Variants in USP38 observed in about 807,000 individuals in gnomAD.
USP38 encodes the protein ubiquitin specific peptidase 38.
Under a neutral mutation model 94.3 loss-of-function variants are expected in USP38, and 49 were observed. The observed-to-expected ratio is 0.52, with a 90% CI of 0.41 to 0.66. USP38 has a LOEUF of 0.66. Among genes scored for constraint, USP38 ranks in the 30% least tolerant of loss-of-function variants. The probability of loss-of-function intolerance (pLI) is 0.00; values close to 1 mark genes in which losing one functional copy is unlikely to be tolerated. For synonymous variants in USP38, 468 were observed against 463.6 expected, an observed-to-expected ratio of 1.01 and a Z score of -0.12; for missense variants, 1,128 against 1,229.4, an observed-to-expected ratio of 0.92 and a Z score of 1.23.
chr4:143,211,484 G>A (rs1331629445), intron 7 of USP38, among the ~76,000 whole-genome samples: 1 of 152,094 alleles, frequency 6.6e-6, no homozygotes, highest in Non-Finnish European at 1.5e-5. Context: ...GCAGGGTTGA[G>A]ATATGAACCA....
At chr4:143,218,746 T>C (rs749671953) in intron 9 of USP38, among the ~76,000 whole-genome samples, 1 of 152,162 alleles carries the variant, frequency 6.6e-6, no homozygotes, top group African/African-American at 2.4e-5. Flanking sequence ...GGAGAACTTC[T>C]TGAACTCTAC....
intron 2 of USP38, among the ~76,000 whole-genome samples, chr4:143,188,512 G>C (rs1201757409): frequency 2.6e-5 from 4 of 152,104 alleles, no homozygotes; most frequent in African/African-American, 9.7e-5. Context: ...CTCGTGGGAA[G>C]TCAGCTGTCA....
Position 143,212,365 on chromosome 4 carries a change from A to G in USP38, c.1545A>G (p.Pro515=). 6.2e-7 allele frequency: 1 copy of G among 1,612,620 alleles called. No homozygotes were observed. Among genetic ancestry groups the G allele is most frequent in the Admixed American group, 1.7e-5 (1 of 59,808 alleles). ...TATTCTTTGAGGCTTCCAGACCTCC[A>G]TGGTTTACTCCCAGATCACAGCAAG... ...PRIFFEASRP[P]WFTPRSQQDC... The change falls in exon 8 of 10, where the codon CCA becomes CCG. Residue 515 remains proline, a synonymous_variant. Coordinates refer to ENST00000307017, the MANE Select transcript of USP38 (RefSeq NM_032557.6).
Position 143,214,331 on chromosome 4 carries a change from A to C in USP38, c.2355A>C (p.Ser785=). Residue 785 remains serine (S), a synonymous_variant, in exon 9 of 10, where the codon TCA becomes TCC. Coordinates refer to ENST00000307017, the MANE Select transcript of USP38 (RefSeq NM_032557.6). The part of the protein sequence containing the change: ...HVRRKILDNV[S]LPLVLELPVK... ...GAAGGAAAATTTTAGACAATGTATC[A>C]CTGCCACTGGTTTTGGAGTTGCCAG... is the stretch of plus-strand genomic sequence containing the variant. 1 of 1,613,170 alleles carries C rather than the reference A, an allele frequency of 6.2e-7. No homozygotes were observed. The highest frequency in any genetic ancestry group is 8.5e-7 in the Non-Finnish European group (1 of 1,179,700).
At chr4:143,207,319 C>T (rs1731895893) in intron 6 of USP38, among the ~76,000 whole-genome samples, 1 of 152,200 alleles carries the variant, frequency 6.6e-6, no homozygotes, top group African/African-American at 2.4e-5. Context: ...GCAGGTGGAT[C>T]ATGAGGTCAG....
intron 1 of USP38, among the ~76,000 whole-genome samples, chr4:143,186,507 C>T (rs1289396596): frequency 6.6e-6 from 1 of 152,118 alleles, no homozygotes. Context: ...ATTTATTGTA[C>T]GTGTCTCTAA....
chr4:143,208,730 A>G (rs2149610550), intron 6 of USP38, among the ~76,000 whole-genome samples: 1 of 152,048 alleles, frequency 6.6e-6, no homozygotes, highest in East Asian at 1.9e-4. Context: ...TTTTCAAGGC[A>G]CAATTCAAAT....
intron 2 of USP38, among the ~76,000 whole-genome samples, chr4:143,194,727 C>T (rs776866221): frequency 4.6e-5 from 7 of 152,234 alleles, no homozygotes; most frequent in South Asian, 4.1e-4. Flanking sequence ...AGGCTGGTCT[C>T]GAACTTCTGA....
intron 9 of USP38, among the ~76,000 whole-genome samples, chr4:143,216,935 A>G (rs548625089): frequency 9.9e-5 from 15 of 152,128 alleles, no homozygotes; most frequent in Admixed American, 6.5e-4. Flanking sequence ...TCGGATAACC[A>G]AGTAGCTGGG....
chr4:143,217,762 C>G (rs1254072490), intron 9 of USP38, among the ~76,000 whole-genome samples: 5 of 152,120 alleles, frequency 3.3e-5, no homozygotes, highest in African/African-American at 1.2e-4. Flanking sequence ...TTGGCAAGAT[C>G]CGTGGTTTTG....
chr4:143,201,160 C>T (rs957734810), intron 4 of USP38, among the ~76,000 whole-genome samples: 12 of 152,252 alleles, frequency 7.9e-5, no homozygotes, highest in East Asian at 1.9e-4. Context: ...ATTAAAACAG[C>T]GTGGTACTGG....
chr4:143,213,218 C>T (rs538279625), intron 8 of USP38, among the ~76,000 whole-genome samples: 2 of 152,246 alleles, frequency 1.3e-5, no homozygotes, highest in African/African-American at 4.8e-5. Context: ...GTATGTGCAG[C>T]CTTCCTTCCA....
At chr4:143,204,589 A>G (rs1731809495) in intron 5 of USP38, 2 of 335,142 alleles carry the variant, frequency 6.0e-6, no homozygotes, top group Non-Finnish European at 1.2e-5. Context: ...GGGCCTCACT[A>G]TGTTGCTCAG....
In USP38 at chr4:143,206,330, A is replaced by G. The variant is rs543009129; in HGVS notation, c.1403+104A>G. On this transcript the variant is annotated intron_variant, in intron 6 of 9. Transcript: ENST00000307017. ...CTACACATTATTCCTTATAAATGGC[A>G]TAAATGTTAACTTTGATTGCCTTAT... is the stretch of plus-strand genomic sequence containing the variant. 1,113 of 995,344 alleles carry G rather than the reference A, an allele frequency of 1.1e-3. 9 individuals carry two copies. The African/African-American group carries it at 0.017, about 15-fold the overall frequency. 61.7% of individuals were successfully genotyped at this position (995,344 alleles called of 1,614,324 possible).
At chr4:143,212,707 A>C (rs1732062024) in intron 8 of USP38, among the ~76,000 whole-genome samples, 1 of 152,076 alleles carries the variant, frequency 6.6e-6, no homozygotes, top group Admixed American at 6.6e-5. Context: ...CAACAGCGTA[A>C]CTGTGTGAGG....
chr4:143,185,358 A>T lies in USP38; in HGVS notation c.-93A>T. On this transcript the variant is annotated 5_prime_UTR_variant, in exon 1 of 10. It adds an upstream start codon to the 5' untranslated region. Transcript: ENST00000307017. ...GTCGCGCTGCTGCTGCGGCGCTCCA[A>T]GTTCATCTCCGCCCCGGGGCTCTCC... 7.2e-7 allele frequency: 1 copy of T among 1,396,222 alleles called. No homozygotes were observed. The highest frequency in any genetic ancestry group is 9.6e-7 in the Non-Finnish European group (1 of 1,045,378). 86.5% of individuals were successfully genotyped at this position (1,396,222 alleles called of 1,614,324 possible). A position where few individuals can be genotyped will look rare whatever the true frequency, so the allele number is the denominator to read the frequency against.
intron 9 of USP38, among the ~76,000 whole-genome samples, chr4:143,217,040 G>A (rs1408477426): frequency 1.3e-5 from 2 of 152,062 alleles, no homozygotes; most frequent in Non-Finnish European, 2.9e-5. Flanking sequence ...TCAAATTCCT[G>A]GCCTCAAGTG....
At position 143,215,118 on chromosome 4, in the gene USP38, C is replaced by G. The variant is rs1005678378; in HGVS notation, c.2967+175C>G. The G allele has an allele frequency of 1.2e-5, 8 of 652,588 alleles. No individual in the cohort carries two copies. The African/African-American group carries it at 1.3e-4, about 10-fold the overall frequency. 40.4% of individuals were successfully genotyped at this position (652,588 alleles called of 1,614,324 possible). ...CTAAATTGCCTTTCTAATATTGTGA[C>G]AATTTAAATGAAAAGTGGCAATTAG... On this transcript the variant is annotated intron_variant, in intron 9 of 9. Transcript: ENST00000307017.
At chr4:143,186,375 C>G (rs1385512958) in intron 1 of USP38, among the ~76,000 whole-genome samples, 4 of 152,190 alleles carry the variant, frequency 2.6e-5, no homozygotes, top group Non-Finnish European at 5.9e-5. Flanking sequence ...ACCTTTGGCA[C>G]TAAACAAGTT....
Sources: allele counts gnomAD v4.1 joint callset (sites outside exome capture counted in the v4.1 genomes callset), GRCh38; gene constraint gnomAD v4.1.1; transcripts MANE v1.5; gene names NCBI Gene and HGNC (gene_info 2026-07-23, HGNC 2026-07-21).